The following RSRC1 variants were observed in gnomAD, a reference collection of about 807,000 sequenced individuals.
The protein encoded by RSRC1 is arginine and serine rich coiled-coil 1.
RSRC1 carries 39 observed loss-of-function variants against 49.1 expected under a neutral mutation model. That is an observed-to-expected ratio of 0.79 (90% CI 0.61 to 1.04). RSRC1 has a LOEUF of 1.04. Among genes scored for constraint, RSRC1 ranks in the 50% least tolerant of loss-of-function variants. RSRC1 has a pLI of 0.00. For synonymous variants in RSRC1, 143 were observed against 130.8 expected (o/e 1.09, Z -0.63); for missense variants, 388 against 402.4 (o/e 0.96, Z 0.31).
intron 6 of RSRC1, among the ~76,000 whole-genome samples, chr3:158,456,706 C>T (rs1224167588): frequency 3.3e-5 from 5 of 152,190 alleles, no homozygotes; most frequent in Admixed American, 3.3e-4. Flanking sequence ...TGAGAATGGG[C>T]ACCCCAGCAG....
intron 5 of RSRC1, among the ~76,000 whole-genome samples, chr3:158,333,760 T>C (rs987812861): frequency 6.6e-5 from 10 of 152,160 alleles, no homozygotes; most frequent in African/African-American, 2.2e-4. Flanking sequence ...GAATTAAAAA[T>C]CTATGTGAAG....
At chr3:158,473,626 A>T (rs1033914519) in intron 7 of RSRC1, among the ~76,000 whole-genome samples, 36 of 152,244 alleles carry the variant, frequency 2.4e-4, no homozygotes, top group African/African-American at 7.5e-4. Flanking sequence ...ACAAACCTGT[A>T]CGTTGTGCAC....
chr3:158,207,404 A>AG (rs1721401557), intron 4 of RSRC1, among the ~76,000 whole-genome samples: 1 of 152,104 alleles, frequency 6.6e-6, no homozygotes, highest in African/African-American at 2.4e-5. Flanking sequence ...GACAATTCCT[A>AG]GGCCTTAATT....
intron 6 of RSRC1, among the ~76,000 whole-genome samples, chr3:158,424,466 C>A (rs1161802253): frequency 1.3e-5 from 2 of 150,922 alleles, no homozygotes; most frequent in Non-Finnish European, 3.0e-5. Context: ...TGATGTGCTG[C>A]TGGATTCGGT....
At chr3:158,459,950 CATT>C (rs1560052294) in intron 6 of RSRC1, among the ~76,000 whole-genome samples, 2 of 151,766 alleles carry the variant, frequency 1.3e-5, no homozygotes, top group African/African-American at 4.8e-5. Context: ...TTAAGCCAGT[CATT>C]ATACTTCTAA....
intron 5 of RSRC1, among the ~76,000 whole-genome samples, chr3:158,324,094 C>T (rs536281652): frequency 1.8e-4 from 27 of 152,194 alleles, no homozygotes; most frequent in African/African-American, 4.1e-4. Flanking sequence ...GATTTTGATA[C>T]AGCTACATTA....
intron 5 of RSRC1, among the ~76,000 whole-genome samples, chr3:158,347,907 C>T (rs6784707): frequency 0.093 from 14,166 of 151,932 alleles, 2,241 homozygotes; most frequent in African/African-American, 0.33. Flanking sequence ...TTTGTGATTA[C>T]GTAGTAGGTG....
At chr3:158,328,796 T>TTC (rs1729354865) in intron 5 of RSRC1, among the ~76,000 whole-genome samples, 1 of 152,170 alleles carries the variant, frequency 6.6e-6, no homozygotes, top group Non-Finnish European at 1.5e-5. Context: ...CTTGCTAGGG[T>TTC]GGGAAAGTTC....
At chr3:158,436,544 A>T (rs1736052743) in intron 6 of RSRC1, among the ~76,000 whole-genome samples, 1 of 151,956 alleles carries the variant, frequency 6.6e-6, no homozygotes, top group Non-Finnish European at 1.5e-5. Flanking sequence ...AATTTCTCGG[A>T]AATATTGGAG....
At chr3:158,140,400 T>G (rs1440578165) in intron 3 of RSRC1, among the ~76,000 whole-genome samples, 4 of 152,348 alleles carry the variant, frequency 2.6e-5, no homozygotes, top group Non-Finnish European at 2.9e-5. Flanking sequence ...TTGTTTTCTG[T>G]TTCCGATATG....
At chr3:158,465,078 C>G (rs1404993597) in intron 7 of RSRC1, among the ~76,000 whole-genome samples, 1 of 152,122 alleles carries the variant, frequency 6.6e-6, no homozygotes, top group Non-Finnish European at 1.5e-5. Context: ...AGATCTAGAT[C>G]CATACTAGGT....
At chr3:158,285,839 C>G (rs1318662871) in intron 4 of RSRC1, among the ~76,000 whole-genome samples, 6 of 152,152 alleles carry the variant, frequency 3.9e-5, no homozygotes, top group Admixed American at 6.5e-5. Context: ...CATCTGCAAA[C>G]AGGGACAATT....
intron 6 of RSRC1, among the ~76,000 whole-genome samples, chr3:158,380,374 T>G (rs9867152): frequency 6.6e-6 from 1 of 151,852 alleles, no homozygotes; most frequent in African/African-American, 2.4e-5. Flanking sequence ...GCTGGAGGAT[T>G]ACTTGAGCCC....
At chr3:158,311,915 A>T (rs142972982) in intron 5 of RSRC1, among the ~76,000 whole-genome samples, 2 of 152,062 alleles carry the variant, frequency 1.3e-5, no homozygotes, top group African/African-American at 4.8e-5. Flanking sequence ...TCTTTAAAAG[A>T]TAGTTAAGCT....
chr3:158,503,495 A>G (rs1312439692), intron 7 of RSRC1, among the ~76,000 whole-genome samples: 4 of 152,128 alleles, frequency 2.6e-5, no homozygotes, highest in Non-Finnish European at 5.9e-5. Context: ...TGGGTAGGGA[A>G]GGACCATCAG....
intron 5 of RSRC1, among the ~76,000 whole-genome samples, chr3:158,318,059 C>T (rs915804908): frequency 2.6e-5 from 4 of 151,514 alleles, no homozygotes; most frequent in Admixed American, 1.3e-4. Flanking sequence ...TTGTTTTTGG[C>T]GATTTTTAAA....
At chr3:158,507,576 ATGT>A (rs1739916564) in intron 7 of RSRC1, among the ~76,000 whole-genome samples, 1 of 152,258 alleles carries the variant, frequency 6.6e-6, no homozygotes, top group Admixed American at 6.5e-5. Flanking sequence ...GATATTATAA[ATGT>A]TGTTCTGAAA....
intron 4 of RSRC1, among the ~76,000 whole-genome samples, chr3:158,218,558 G>A (rs1722074410): frequency 6.6e-6 from 1 of 151,654 alleles, no homozygotes; most frequent in African/African-American, 2.4e-5. Context: ...TGGACATACT[G>A]AGTTTGAGGA....
intron 7 of RSRC1, among the ~76,000 whole-genome samples, chr3:158,536,417 C>A (rs1712716547): frequency 6.6e-6 from 1 of 151,530 alleles, no homozygotes; most frequent in Admixed American, 6.6e-5. Flanking sequence ...AAGGTACTTA[C>A]CAACCCAGTG....
Sources: allele counts gnomAD v4.1 joint callset (sites outside exome capture counted in the v4.1 genomes callset), GRCh38; gene constraint gnomAD v4.1.1; transcripts MANE v1.5; gene names NCBI Gene and HGNC (gene_info 2026-07-23, HGNC 2026-07-21).